The following DPP6 variants were observed in gnomAD, a reference collection of about 807,000 sequenced individuals.
DPP6 encodes the protein dipeptidyl peptidase like 6.
A neutral mutation model predicts 122.6 loss-of-function variants in DPP6; 69 were observed. The observed-to-expected ratio is 0.56, with a 90% CI of 0.46 to 0.69. The LOEUF (loss-of-function observed/expected upper bound fraction) is 0.69, where lower values mean the gene tolerates loss of function less well. Ranked by LOEUF, DPP6 falls within the 30% of genes least tolerant of loss-of-function variation. The probability of loss-of-function intolerance (pLI) is 0.00; values close to 1 mark genes in which losing one functional copy is unlikely to be tolerated. For missense variants in DPP6, 928 were observed against 1,116.9 expected, an observed-to-expected ratio of 0.83 and a Z score of 2.41; for synonymous variants, 418 against 433.1, an observed-to-expected ratio of 0.97 and a Z score of 0.43.
At chr7:154,832,083 G>A (rs961019545) in intron 16 of DPP6, among the ~76,000 whole-genome samples, 3 of 152,190 alleles carry the variant, frequency 2.0e-5, no homozygotes, top group Non-Finnish European at 4.4e-5. Context: ...CAATTTCAAG[G>A]AAGCCACTGT....
intron 7 of DPP6, among the ~76,000 whole-genome samples, chr7:154,674,529 T>C (rs1242801721): frequency 6.6e-6 from 1 of 152,218 alleles, no homozygotes; most frequent in Non-Finnish European, 1.5e-5. Flanking sequence ...AGAAAGACTG[T>C]GCAGCATTAG....
intron 1 of DPP6, among the ~76,000 whole-genome samples, chr7:153,914,441 A>G (rs558671873): frequency 1.3e-5 from 2 of 152,322 alleles, no homozygotes; most frequent in African/African-American, 2.4e-5. Flanking sequence ...GTATGTTTAT[A>G]AGAATTTTCT....
At chr7:154,739,858 G>A (rs1842738675) in intron 8 of DPP6, among the ~76,000 whole-genome samples, 1 of 152,190 alleles carries the variant, frequency 6.6e-6, no homozygotes, top group African/African-American at 2.4e-5. Context: ...AGTGGGGGCG[G>A]CTTCAGCGTG....
intron 7 of DPP6, among the ~76,000 whole-genome samples, chr7:154,695,729 G>C (rs1202222986): frequency 6.6e-6 from 1 of 152,138 alleles, no homozygotes; most frequent in Admixed American, 6.5e-5. Context: ...GCGCTGTGTG[G>C]ATCAGGGAGG....
intron 3 of DPP6, among the ~76,000 whole-genome samples, chr7:154,493,326 C>T (rs1441885725): frequency 6.6e-6 from 1 of 152,184 alleles, no homozygotes; most frequent in African/African-American, 2.4e-5. Context: ...AAGTCATTCT[C>T]TGCCCATACT....
At chr7:154,243,199 G>A (rs1007583032) in intron 1 of DPP6, among the ~76,000 whole-genome samples, 1 of 152,104 alleles carries the variant, frequency 6.6e-6, no homozygotes, top group Admixed American at 6.5e-5. Flanking sequence ...AAAACATTTT[G>A]TCTATAGTAT....
chr7:154,620,968 A>G (rs1243710761), intron 5 of DPP6, among the ~76,000 whole-genome samples: 1 of 152,240 alleles, frequency 6.6e-6, no homozygotes, highest in South Asian at 2.1e-4. Context: ...TTAGAATGCC[A>G]TACACTTGAA....
rs181671662 is a variant in DPP6 at position 154,293,731 on chromosome 7, A to G, written c.244-152483A>G. Among the ~76,000 whole-genome samples the G allele has an allele frequency of 2.2e-3, 334 of 152,282 alleles. 1 individual carries two copies. Among genetic ancestry groups the G allele is most frequent in the African/African-American group, 7.3e-3 (304 of 41,536 alleles). ...TCTATGAGAAGCTCTGTGTGTTGCA[A>G]TTCTGTCTGCATTGCTTTGCAGATG... On this transcript the variant is annotated intron_variant, in intron 1 of 25. Coordinates refer to ENST00000377770, the MANE Select transcript of DPP6 (RefSeq NM_130797.4).
chr7:154,612,307 G>T (rs1376243662), intron 5 of DPP6, among the ~76,000 whole-genome samples: 1 of 152,224 alleles, frequency 6.6e-6, no homozygotes, highest in Non-Finnish European at 1.5e-5. Flanking sequence ...TACTCTGACA[G>T]CCACAGCCAC....
intron 1 of DPP6, among the ~76,000 whole-genome samples, chr7:154,431,220 G>T (rs922589025): frequency 3.9e-5 from 6 of 152,108 alleles, no homozygotes; most frequent in African/African-American, 1.4e-4. Context: ...AAGCGCCAAG[G>T]CCGTCTTTCA....
chr7:154,814,842 G>T (rs1587228123), intron 16 of DPP6, among the ~76,000 whole-genome samples: 1 of 152,144 alleles, frequency 6.6e-6, no homozygotes, highest in Non-Finnish European at 1.5e-5. Flanking sequence ...ATCTTCATGT[G>T]GTCTTCCCCC....
At chr7:154,759,964 A>G (rs1457457170) in intron 8 of DPP6, among the ~76,000 whole-genome samples, 1 of 152,200 alleles carries the variant, frequency 6.6e-6, no homozygotes, top group East Asian at 1.9e-4. Flanking sequence ...TCTACTAAAA[A>G]TATAAAAAAT....
At chr7:154,229,196 C>G (rs1312170557) in intron 1 of DPP6, among the ~76,000 whole-genome samples, 1 of 152,140 alleles carries the variant, frequency 6.6e-6, no homozygotes, top group African/African-American at 2.4e-5. Context: ...TTGATTGGTC[C>G]ACTTTTGCTC....
chr7:154,002,992 A>C (rs1797752666), intron 1 of DPP6, among the ~76,000 whole-genome samples: 1 of 152,170 alleles, frequency 6.6e-6, no homozygotes, highest in Non-Finnish European at 1.5e-5. Flanking sequence ...CCTTGAGTTC[A>C]GGCTAAAACA....
chr7:154,531,913 G>A (rs1419525691), intron 3 of DPP6, among the ~76,000 whole-genome samples: 2 of 151,888 alleles, frequency 1.3e-5, no homozygotes, highest in African/African-American at 4.8e-5. Context: ...GCAAAGAAAT[G>A]CAACTAAAAT....
At chr7:154,229,796 GTCTTA>G (rs1800813870) in intron 1 of DPP6, among the ~76,000 whole-genome samples, 1 of 151,514 alleles carries the variant, frequency 6.6e-6, no homozygotes, top group South Asian at 2.1e-4. Context: ...TCAAACTGAG[GTCTTA>G]TCTTTTTTAA....
intron 1 of DPP6, among the ~76,000 whole-genome samples, chr7:154,137,862 T>C (rs1393468979): frequency 6.6e-6 from 1 of 152,196 alleles, no homozygotes; most frequent in Non-Finnish European, 1.5e-5. Flanking sequence ...GACTGTGGTA[T>C]GCAGGGATGC....
At chr7:154,372,843 G>A (rs1812792746) in intron 1 of DPP6, among the ~76,000 whole-genome samples, 1 of 152,128 alleles carries the variant, frequency 6.6e-6, no homozygotes, top group Non-Finnish European at 1.5e-5. Context: ...CACCATCCTG[G>A]GAATGCATGA....
chr7:154,638,377 G>A (rs991937227), intron 6 of DPP6, among the ~76,000 whole-genome samples: 4 of 152,192 alleles, frequency 2.6e-5, no homozygotes, highest in African/African-American at 9.6e-5. Flanking sequence ...TTGGGAATGG[G>A]TTGGGCAAGT....
Sources: allele counts gnomAD v4.1 joint callset (sites outside exome capture counted in the v4.1 genomes callset), GRCh38; gene constraint gnomAD v4.1.1; transcripts MANE v1.5; gene names NCBI Gene and HGNC (gene_info 2026-07-23, HGNC 2026-07-21).